NRXN1: variants seen among roughly 807,000 people sequenced by gnomAD.
NRXN1 encodes the protein neurexin 1, also known as neurexin-1.
NRXN1 carries 39 observed loss-of-function variants against 150.9 expected under a neutral mutation model. The observed-to-expected ratio is 0.26, with a 90% CI of 0.20 to 0.34. The LOEUF is 0.34. Ranked by LOEUF, NRXN1 falls within the 10% of genes least tolerant of loss-of-function variation. The probability of loss-of-function intolerance (pLI) is 1.00; values close to 1 mark genes in which losing one functional copy is unlikely to be tolerated. For missense variants in NRXN1, 1,815 were observed against 1,949.9 expected (o/e 0.93, Z 1.30); for synonymous variants, 924 against 757.0 (o/e 1.22, Z -3.62).
intron 2 of NRXN1, among the ~76,000 whole-genome samples, chr2:50,931,405 G>A (rs1022372726): frequency 6.6e-6 from 1 of 152,022 alleles, no homozygotes; most frequent in Admixed American, 6.6e-5. Flanking sequence ...TTGTAAAAAG[G>A]AGTCTTAAGT....
intron 5 of NRXN1, among the ~76,000 whole-genome samples, chr2:50,745,728 C>T (rs1028806500): frequency 1.3e-5 from 2 of 151,952 alleles, no homozygotes; most frequent in Admixed American, 6.6e-5. Flanking sequence ...GACAGAAGAA[C>T]GAGAACCGAT....
intron 21 of NRXN1, among the ~76,000 whole-genome samples, chr2:49,994,134 T>C (rs994554345): frequency 1.8e-4 from 28 of 152,280 alleles, no homozygotes; most frequent in African/African-American, 6.7e-4. Flanking sequence ...TAATGAAGCA[T>C]AGTACGGGGG....
rs142395451 is a variant in NRXN1, at chr2:50,702,420, A to G, written c.833-78805T>C. Among the ~76,000 whole-genome samples, 765 of 152,236 alleles carry G rather than the reference A, an allele frequency of 5.0e-3. 1 individual carries two copies. Among genetic ancestry groups the G allele is most frequent in the Middle Eastern group, 0.01 (3 of 294 alleles). The stretch of plus-strand genomic sequence containing the variant: ...ATATGTAAAACACAGAAGAGAAAGC[A>G]TATCTGAAAGAATGACAAATAGCTC... On this transcript the variant is annotated intron_variant, in intron 5 of 22. Coordinates refer to ENST00000401669, the MANE Select transcript of NRXN1 (RefSeq NM_001330078.2).
intron 17 of NRXN1, among the ~76,000 whole-genome samples, chr2:50,394,396 C>T (rs552271140): frequency 2.0e-5 from 3 of 152,116 alleles, no homozygotes; most frequent in Admixed American, 2.0e-4. Context: ...ATTTTCCATT[C>T]GCAACAAGTC....
chr2:50,901,602 C>G (rs9679180), intron 5 of NRXN1, among the ~76,000 whole-genome samples: 13,257 of 152,110 alleles, frequency 0.087, 650 homozygotes, highest in South Asian at 0.12. Flanking sequence ...CCCCACCTGG[C>G]GTTCTGGTAC....
intron 12 of NRXN1, among the ~76,000 whole-genome samples, chr2:50,522,750 T>TAG (rs2092828496): frequency 1.0e-5 from 1 of 98,032 alleles, no homozygotes; most frequent in African/African-American, 3.0e-5. Flanking sequence ...TTTTTTTTTT[T>TAG]GAGAGGAGTC....
chr2:50,872,613 A>AAAAAT (rs1309983984), intron 5 of NRXN1, among the ~76,000 whole-genome samples: 12 of 151,772 alleles, frequency 7.9e-5, no homozygotes, highest in East Asian at 5.9e-4. Flanking sequence ...AGAATAAAAT[A>AAAAAT]AAAATAAAAT....
chr2:50,122,100 A>T (rs535585741), intron 18 of NRXN1, among the ~76,000 whole-genome samples: 65 of 152,362 alleles, frequency 4.3e-4, no homozygotes, highest in African/African-American at 1.5e-3. Flanking sequence ...GTCTAGGCAG[A>T]CAAGCTGCAG....
chr2:50,072,440 C>T lies in NRXN1; in HGVS notation c.3719-17396G>A, dbSNP rs1044688434. ...GAGATCCCAAAAGATACACTGTGTC[C>T]ACTTCAAAAACTCTAAAATTCTAAG... On this transcript the variant is annotated intron_variant, in intron 19 of 22. Coordinates refer to ENST00000401669, the MANE Select transcript of NRXN1 (RefSeq NM_001330078.2). 1.3e-4 allele frequency among the ~76,000 whole-genome samples: 20 copies of T among 151,482 alleles called. 1 individual carries two copies. Among genetic ancestry groups the T allele is most frequent in the Non-Finnish European group, 2.8e-4 (19 of 67,952 alleles).
At position 50,899,363 on chromosome 2, in the gene NRXN1, A is replaced by G. The variant is rs541195684; in HGVS notation, c.832+22506T>C. 2.0e-5 allele frequency among the ~76,000 whole-genome samples: 3 copies of G among 152,282 alleles called. No individual in the cohort carries two copies. In the South Asian group the frequency reaches 6.2e-4, roughly 32 times the overall value. ...ACATTAAATGCTTTGACAATGACAA[A>G]TAGAATAAGGTGAGATGTGTCTTAA... is the stretch of plus-strand genomic sequence containing the variant. On this transcript the variant is annotated intron_variant, in intron 5 of 22. Transcript: ENST00000401669.
chr2:50,515,299 C>T lies in NRXN1; in HGVS notation c.2375-8682G>A, dbSNP rs1006295227. On this transcript the variant is annotated intron_variant, in intron 12 of 22. Transcript: ENST00000401669. ...CTCTCTAGTTGCTGGTAAACAACCT[C>T]TAGTTTTACTGATTCTACCTTATGG... Among the ~76,000 whole-genome samples the T allele has an allele frequency of 2.0e-5, 3 of 152,246 alleles. No homozygotes were observed. The East Asian group carries it at 5.8e-4, about 29-fold the overall frequency.
chr2:50,884,845 C>CT (rs201311269), intron 5 of NRXN1, among the ~76,000 whole-genome samples: 4 of 151,188 alleles, frequency 2.6e-5, no homozygotes, highest in African/African-American at 2.4e-5. Context: ...AAAATACAAA[C>CT]TTTTTTTTCT....
chr2:50,162,466 GA>G (rs1379672744), intron 18 of NRXN1, among the ~76,000 whole-genome samples: 1 of 151,880 alleles, frequency 6.6e-6, no homozygotes, highest in Non-Finnish European at 1.5e-5. Flanking sequence ...AACTCCTTCA[GA>G]ATTACTCTTA....
At chr2:51,021,950 T>C (rs549334968) in intron 2 of NRXN1, among the ~76,000 whole-genome samples, 15 of 152,142 alleles carry the variant, frequency 9.9e-5, no homozygotes, top group African/African-American at 3.4e-4. Flanking sequence ...ATTCTCAGAA[T>C]GTGATTTTTT....
chr2:50,893,687 T>C (rs542059319), intron 5 of NRXN1, among the ~76,000 whole-genome samples: 1 of 152,346 alleles, frequency 6.6e-6, no homozygotes, highest in South Asian at 2.1e-4. Context: ...ACAGTCAGCA[T>C]ATACATTCAC....
intron 5 of NRXN1, among the ~76,000 whole-genome samples, chr2:50,860,214 G>A (rs1675919985): frequency 6.6e-6 from 1 of 150,992 alleles, no homozygotes; most frequent in South Asian, 2.1e-4. Context: ...GTTGATAAAA[G>A]GACTCAAAAC....
intron 2 of NRXN1, among the ~76,000 whole-genome samples, chr2:50,932,366 A>G (rs549951943): frequency 6.6e-6 from 1 of 152,022 alleles, no homozygotes; most frequent in African/African-American, 2.4e-5. Flanking sequence ...ACCTCTTTAC[A>G]TTAAGTTTAT....
At chr2:50,163,573 A>T (rs1225251824) in intron 18 of NRXN1, among the ~76,000 whole-genome samples, 1 of 152,082 alleles carries the variant, frequency 6.6e-6, no homozygotes, top group African/African-American at 2.4e-5. Context: ...TAGCTAAGAA[A>T]ATGTCTTATA....
intron 21 of NRXN1, among the ~76,000 whole-genome samples, chr2:49,997,638 G>A (rs1683216016): frequency 6.6e-6 from 1 of 152,126 alleles, no homozygotes; most frequent in African/African-American, 2.4e-5. Flanking sequence ...TTGGCTTTGA[G>A]AAGCTTATTG....
Sources: allele counts gnomAD v4.1 joint callset (sites outside exome capture counted in the v4.1 genomes callset), GRCh38; gene constraint gnomAD v4.1.1; transcripts MANE v1.5; gene names NCBI Gene and HGNC (gene_info 2026-07-23, HGNC 2026-07-21).